Variants in PPP1R12C observed in about 807,000 individuals in gnomAD.
PPP1R12C encodes the protein leukocyte receptor cluster (LRC) encoded novel gene 3.
Under a neutral mutation model 95.6 loss-of-function variants are expected in PPP1R12C, and 48 were observed. The ratio of observed to expected loss-of-function variants is 0.50; its 90% CI spans 0.40 to 0.64. The LOEUF (loss-of-function observed/expected upper bound fraction) is 0.64, where lower values mean the gene tolerates loss of function less well. Among genes scored for constraint, PPP1R12C ranks in the 30% least tolerant of loss-of-function variants. The pLI, the probability that PPP1R12C is intolerant of heterozygous loss-of-function variation, is 0.00. For missense variants in PPP1R12C, 1,057 were observed against 1,083.3 expected (o/e 0.98, Z 0.34); for synonymous variants, 480 against 460.8 (o/e 1.04, Z -0.53).
intron 1 of PPP1R12C, chr19:55,114,167 C>G (rs2085129469): frequency 6.3e-6 from 1 of 157,864 alleles, no homozygotes; most frequent in African/African-American, 2.5e-5. Context: ...CCTCCACCCT[C>G]AGACCCAGGA....
chr19:55,108,092 T>C (rs1151617), intron 3 of PPP1R12C, among the ~76,000 whole-genome samples: 45,737 of 151,538 alleles, frequency 0.3, 10,763 homozygotes, highest in African/African-American at 0.66. Context: ...TACATCGCTA[T>C]GCCCGGCTAA....
Position 55,117,574 on chromosome 19 carries a change from A to C in PPP1R12C, c.-31T>G. The C allele has an allele frequency of 1.0e-6, 1 of 980,100 alleles. No individual in the cohort carries two copies. The allele number at this position is 980,100 out of a possible 1,614,324, so 60.7% of individuals were successfully genotyped here. ...CGCCCGCCCGCCCAGCGAGCGAGCG[A>C]GCGCCGAGCCCCAACCGCCGCCACC... On this transcript the variant is annotated 5_prime_UTR_variant, in exon 1 of 22. Coordinates refer to ENST00000263433, the MANE Select transcript of PPP1R12C (RefSeq NM_017607.4).
Position 55,092,524 on chromosome 19 carries a change from G to C in PPP1R12C, c.1973C>G (p.Ser658Trp). The C allele has an allele frequency of 1.9e-6, 3 of 1,606,686 alleles. No homozygotes were observed. Among genetic ancestry groups the C allele is most frequent in the Non-Finnish European group, 2.5e-6 (3 of 1,177,200 alleles). The part of the protein sequence containing the change: ...QESSTLEGGP[S>W]ARRQRWQRDL... ...CCGCTGCCACCGCTGCCTGCGGGCC[G>C]AGGGGCCGCCCTCCAGGGTGCTGGG... The change falls in exon 18 of 22, where the codon TCG becomes TGG. Residue 658 changes from serine to tryptophan, a missense_variant. Ser to Trp is a radical substitution (Grantham distance 177). This residue lies in a region of PPP1R12C where 347 missense variants were observed against 307.9 expected (regional missense o/e 1.13). Coordinates refer to ENST00000263433, the MANE Select transcript of PPP1R12C (RefSeq NM_017607.4).
chr19:55,101,909 C>T (rs1470869492), intron 4 of PPP1R12C, among the ~76,000 whole-genome samples: 1 of 151,618 alleles, frequency 6.6e-6, no homozygotes, highest in Non-Finnish European at 1.5e-5. Context: ...GGTGCTAAGC[C>T]GAAGGGACAG....
intron 4 of PPP1R12C, among the ~76,000 whole-genome samples, chr19:55,100,284 C>T (rs2147192800): frequency 6.6e-6 from 1 of 152,308 alleles, no homozygotes; most frequent in East Asian, 1.9e-4. Flanking sequence ...GGCAATGCTG[C>T]CCCCCAGGGG....
rs764967403 is a variant in PPP1R12C at position 55,103,514 on chromosome 19, G to A, written c.626C>T (p.Thr209Met). ...GGCGCCCCCATTCAGCCAGCACCTCGTGTCATGAAGGAGCAATTCCTCTTC... is the reference window on the plus strand; with the variant it reads ...GGCGCCCCCATTCAGCCAGCACCTCATGTCATGAAGGAGCAATTCCTCTTC... ...RAEEELLLHD[T>M]RCWLNGGAMP... Residue 209 changes from threonine (T) to methionine (M), a missense_variant, in exon 4 of 22, where the codon ACG (threonine) becomes ATG (methionine). Thr to Met is a moderately conservative substitution (Grantham distance 81). Transcript: ENST00000263433. 10 of 1,602,782 alleles carry A rather than the reference G, an allele frequency of 6.2e-6. No homozygotes were observed. The highest frequency in any genetic ancestry group is 2.2e-5 in the South Asian group (2 of 90,324).
rs147320612 is a variant in PPP1R12C at position 55,094,421 on chromosome 19, G to C, written c.1607C>G (p.Pro536Arg). 25 of 1,613,886 alleles carry C rather than the reference G, an allele frequency of 1.5e-5. No homozygotes were observed. Among genetic ancestry groups the C allele is most frequent in the Non-Finnish European group, 2.1e-5 (25 of 1,180,016 alleles). The change falls in exon 13 of 22, where the codon CCT (proline) becomes CGT (arginine). Residue 536 changes from proline to arginine, a missense_variant. Coordinates refer to ENST00000263433, the MANE Select transcript of PPP1R12C (RefSeq NM_017607.4). Reference sequence around the variant, plus strand: ...GGATTCCGACTCCTCATCCCGCACAGGCATCTGGTAGGACCTGAGGGAAGG... The same window carrying C: ...GGATTCCGACTCCTCATCCCGCACACGCATCTGGTAGGACCTGAGGGAAGG... ...SRDRRRSYQM[P>R]VRDEESESQR...
Position 55,096,228 on chromosome 19 carries a change from A to G in PPP1R12C, c.1025+34T>C, listed in dbSNP as rs770346141. 1.9e-6 allele frequency: 3 copies of G among 1,612,846 alleles called. No individual in the cohort carries two copies. In the East Asian group the frequency reaches 6.7e-5, roughly 36 times the overall value. ...GGGTACAAGCCCGGGGCCTCCAGCCACCCCGCCAGCCCTGGACTCCTCCCT... is the reference window on the plus strand; with the variant it reads ...GGGTACAAGCCCGGGGCCTCCAGCCGCCCCGCCAGCCCTGGACTCCTCCCT... On this transcript the variant is annotated intron_variant, in intron 7 of 21. Coordinates refer to ENST00000263433, the MANE Select transcript of PPP1R12C (RefSeq NM_017607.4).
chr19:55,098,822 G>C lies in PPP1R12C; in HGVS notation c.913C>G (p.Leu305Val). 5.0e-6 allele frequency: 8 copies of C among 1,613,570 alleles called. No homozygotes were observed. The highest frequency in any genetic ancestry group is 6.8e-6 in the Non-Finnish European group (8 of 1,180,022). The change falls in exon 6 of 22, where the codon CTG (leucine) becomes GTG (valine). Residue 305 changes from leucine (L) to valine (V), a missense_variant. This residue lies in a region of PPP1R12C where 356 missense variants were observed against 330.5 expected (regional missense o/e 1.08). Transcript: ENST00000263433. ...CGGGCCAGTTCCTCCAACAGGCTCA[G>C]TACTTCCTCATCGGCCAGGTCACAG... ...RPCDLADEEV[L>V]SLLEELARKQ...
chr19:55,094,893 G>A, intron 11 of PPP1R12C, 95 bp from the exon 12 acceptor site: 1 of 1,380,148 alleles, frequency 7.2e-7, no homozygotes, highest in Non-Finnish European at 1.0e-6. Flanking sequence ...AATTATCTGG[G>A]CCACAACAGA....
At chr19:55,095,025 G>A in intron 11 of PPP1R12C, 3 of 688,808 alleles carry the variant, frequency 4.4e-6, no homozygotes, top group Middle Eastern at 8.0e-4. Flanking sequence ...CTGAGAGCGG[G>A]AGGGTGTGCG....
At chr19:55,094,590 G>C in intron 12 of PPP1R12C, 71 bp downstream of exon 12, 1 of 1,527,186 alleles carries the variant, frequency 6.5e-7, no homozygotes. Flanking sequence ...CCAAAGCCCC[G>C]GGACTCCTGC....
intron 10 of PPP1R12C, 33 bp downstream of exon 10, chr19:55,095,412 C>T: frequency 6.4e-7 from 1 of 1,562,620 alleles, no homozygotes; most frequent in Non-Finnish European, 8.7e-7. Flanking sequence ...TGGGCAGGGG[C>T]CTGGGCCTGG....
intron 20 of PPP1R12C, 67 bp from the exon 21 acceptor site, chr19:55,091,767 A>C: frequency 1.2e-6 from 2 of 1,612,386 alleles, no homozygotes; most frequent in South Asian, 2.2e-5. Flanking sequence ...GCCAGGGGCC[A>C]GCTGGGAAGG....
intron 3 of PPP1R12C, among the ~76,000 whole-genome samples, chr19:55,107,608 C>T (rs768790291): frequency 6.7e-4 from 100 of 150,114 alleles, no homozygotes; most frequent in Non-Finnish European, 7.4e-5. Context: ...GGACAGAAAA[C>T]CAAACACTGC....
chr19:55,103,369 G>T (rs1009722638), intron 4 of PPP1R12C, 40 bp downstream of exon 4: 5 of 1,379,818 alleles, frequency 3.6e-6, no homozygotes, highest in Admixed American at 5.6e-5. Context: ...TCCACAGGAA[G>T]GTATAAGACA....
chr19:55,108,244 C>T (rs1022822536), intron 3 of PPP1R12C, among the ~76,000 whole-genome samples: 1 of 150,996 alleles, frequency 6.6e-6, no homozygotes, highest in South Asian at 2.1e-4. Flanking sequence ...CTAAAATTTA[C>T]CATTTTAACC....
In PPP1R12C at chr19:55,095,912, G is replaced by T. The variant is rs1277601975; in HGVS notation, c.1182C>A (p.Leu394=). ...TEPPPAEPRT[L]NGVSSPPHPS... ...GGTGCGGCGGGGAGGAGACGCCATT[G>T]AGGGTTCTGGGTTCTGCAGGGGGTG... Residue 394 remains leucine (L), a synonymous_variant, in exon 9 of 22, where the codon CTC becomes CTA. Transcript: ENST00000263433. 1 of 1,613,264 alleles carries T rather than the reference G, an allele frequency of 6.2e-7. No homozygotes were observed. The highest frequency in any genetic ancestry group is 1.3e-5 in the African/African-American group (1 of 74,918).
Position 55,095,938 on chromosome 19 carries a change from G to A in PPP1R12C, c.1156C>T (p.Pro386Ser), listed in dbSNP as rs374556912. The A allele has an allele frequency of 1.2e-6, 2 of 1,612,532 alleles. No individual in the cohort carries two copies. The highest frequency in any genetic ancestry group is 2.7e-5 in the African/African-American group (2 of 74,896). The change falls in exon 9 of 22, where the codon CCA becomes TCA. Residue 386 changes from proline to serine, a missense_variant and splice_region_variant. Transcript: ENST00000263433. ...EDEGEEGPTE[P>S]PPAEPRTLNG... ...AGGGTTCTGGGTTCTGCAGGGGGTG[G>A]TTCTGTGATGTGGGAACACCGGGCA...
Sources: gnomAD v4.1 joint callset for allele counts (sites outside exome capture counted in the v4.1 genomes callset) on GRCh38, gnomAD v4.1.1 for gene constraint, gnomAD v4.1.1 regional missense constraint, MANE v1.5 for transcripts, NCBI Gene and HGNC (gene_info 2026-07-23, HGNC 2026-07-21) for gene names.